Variants in PRKG1 observed in about 807,000 individuals in gnomAD.
The protein encoded by PRKG1 is cGMP-dependent protein kinase 1.
PRKG1 carries 35 observed loss-of-function variants against 88.1 expected under a neutral mutation model. That is an observed-to-expected ratio of 0.40 (90% CI 0.30 to 0.53). The LOEUF is 0.53. Ranked by LOEUF, PRKG1 falls within the 20% of genes least tolerant of loss-of-function variation. The pLI is 0.59. For missense variants in PRKG1, 540 were observed against 839.8 expected (o/e 0.64, Z 4.41); for synonymous variants, 303 against 292.5 (o/e 1.04, Z -0.37).
chr10:51,754,837 A>T (rs1002591639), intron 3 of PRKG1, among the ~76,000 whole-genome samples: 4 of 152,160 alleles, frequency 2.6e-5, no homozygotes, highest in African/African-American at 9.7e-5. Context: ...GGGCTAGTTT[A>T]GGTCATCTAC....
intron 2 of PRKG1, among the ~76,000 whole-genome samples, chr10:51,238,403 A>G (rs1839056822): frequency 6.6e-6 from 1 of 152,128 alleles, no homozygotes; most frequent in East Asian, 1.9e-4. Flanking sequence ...CAACATGGTA[A>G]AACTCCGCCT....
At chr10:51,404,220 G>C (rs1003523526) in intron 2 of PRKG1, among the ~76,000 whole-genome samples, 1 of 152,162 alleles carries the variant, frequency 6.6e-6, no homozygotes, top group African/African-American at 2.4e-5. Flanking sequence ...TCTAAAGAAA[G>C]TTATCACATG....
intron 4 of PRKG1, among the ~76,000 whole-genome samples, chr10:51,856,061 C>T (rs1222978094): frequency 1.3e-5 from 2 of 152,140 alleles, no homozygotes; most frequent in Non-Finnish European, 2.9e-5. Context: ...CTGGTCACAT[C>T]CCTTCAATCT....
At chr10:51,944,131 C>T (rs1353012649) in intron 5 of PRKG1, among the ~76,000 whole-genome samples, 1 of 151,948 alleles carries the variant, frequency 6.6e-6, no homozygotes, top group Non-Finnish European at 1.5e-5. Context: ...ACAATTTCAG[C>T]TCCTGTTATT....
chr10:51,374,746 T>G (rs1842784147), intron 2 of PRKG1, among the ~76,000 whole-genome samples: 1 of 152,154 alleles, frequency 6.6e-6, no homozygotes, highest in Non-Finnish European at 1.5e-5. Context: ...AAGAAATAAA[T>G]TTCTATTCTT....
rs760490288 is a variant in PRKG1 at position 51,317,317 on chromosome 10, T to C, written c.479-150406T>C. On this transcript the variant is annotated intron_variant, in intron 2 of 17. Coordinates refer to ENST00000373980, the MANE Select transcript of PRKG1 (RefSeq NM_006258.4). ...TTACAAGTCAATCAAGAGTCACATG[T>C]GGGCAAAACTAATTTAGTATTCAAG... Among the ~76,000 whole-genome samples the C allele has an allele frequency of 1.5e-3, 236 of 152,346 alleles. 4 individuals carry two copies. Among genetic ancestry groups the C allele is most frequent in the Non-Finnish European group, 2.8e-4 (19 of 68,024 alleles).
chr10:51,091,625 T>C (rs1405842079), intron 1 of PRKG1, among the ~76,000 whole-genome samples: 1 of 152,160 alleles, frequency 6.6e-6, no homozygotes. Context: ...TCAATTGGCC[T>C]GGTTTTTGTT....
chr10:51,334,029 A>G (rs572518804), intron 2 of PRKG1, among the ~76,000 whole-genome samples: 1 of 152,284 alleles, frequency 6.6e-6, no homozygotes, highest in South Asian at 2.1e-4. Flanking sequence ...AGCATTTATG[A>G]TAATGCCGAA....
At chr10:51,720,931 T>C in intron 3 of PRKG1, among the ~76,000 whole-genome samples, 1 of 151,904 alleles carries the variant, frequency 6.6e-6, no homozygotes, top group Non-Finnish European at 1.5e-5. Context: ...GCTGGGGGTG[T>C]TGGCTCACAC....
intron 2 of PRKG1, among the ~76,000 whole-genome samples, chr10:51,178,671 C>T (rs1053057144): frequency 1.1e-4 from 17 of 152,024 alleles, no homozygotes; most frequent in Non-Finnish European, 2.9e-5. Context: ...GTAAATATCC[C>T]AAATCCTTTC....
intron 2 of PRKG1, among the ~76,000 whole-genome samples, chr10:51,322,784 T>C (rs1841489287): frequency 6.6e-6 from 1 of 152,210 alleles, no homozygotes; most frequent in African/African-American, 2.4e-5. Flanking sequence ...GTCAACCACA[T>C]TAAATGTAAT....
At chr10:51,434,222 G>A (rs1357226355) in intron 2 of PRKG1, among the ~76,000 whole-genome samples, 3 of 152,150 alleles carry the variant, frequency 2.0e-5, no homozygotes, top group Middle Eastern at 3.4e-3. Context: ...CTTCAAATCC[G>A]TATCACAGGC....
chr10:51,083,747 C>G (rs1564593586), intron 1 of PRKG1, among the ~76,000 whole-genome samples: 1 of 152,220 alleles, frequency 6.6e-6, no homozygotes, highest in African/African-American at 2.4e-5. Flanking sequence ...ATGAAGACTT[C>G]CAGGGGAAAT....
At chr10:51,979,437 G>C (rs372770543) in intron 5 of PRKG1, among the ~76,000 whole-genome samples, 186 of 49,182 alleles carry the variant, frequency 3.8e-3, no homozygotes, top group African/African-American at 0.013. Flanking sequence ...TTTTTTTTCT[G>C]TTTTGTCTCT....
At chr10:51,050,946 T>C (rs1843553108) in intron 1 of PRKG1, among the ~76,000 whole-genome samples, 1 of 152,150 alleles carries the variant, frequency 6.6e-6, no homozygotes, top group African/African-American at 2.4e-5. Context: ...TTTGTGTGTC[T>C]TTTTTTGAAG....
At chr10:51,048,156 A>G (rs1843515037) in intron 1 of PRKG1, among the ~76,000 whole-genome samples, 1 of 151,934 alleles carries the variant, frequency 6.6e-6, no homozygotes, top group Non-Finnish European at 1.5e-5. Context: ...CATTATTTCT[A>G]TATTTTTGGA....
chr10:52,153,944 C>T (rs1838012690), intron 8 of PRKG1, among the ~76,000 whole-genome samples: 1 of 152,038 alleles, frequency 6.6e-6, no homozygotes, highest in Non-Finnish European at 1.5e-5. Context: ...GGGCTTTATC[C>T]ATGTTGGTCA....
chr10:52,273,995 A>G (rs1841800993), intron 12 of PRKG1, among the ~76,000 whole-genome samples: 1 of 152,098 alleles, frequency 6.6e-6, no homozygotes, highest in Non-Finnish European at 1.5e-5. Flanking sequence ...TGATATTTCA[A>G]TTCACTGATT....
At chr10:51,842,244 C>T (rs939679728) in intron 4 of PRKG1, among the ~76,000 whole-genome samples, 4 of 152,114 alleles carry the variant, frequency 2.6e-5, no homozygotes, top group African/African-American at 9.7e-5. Flanking sequence ...TCTGGGATCA[C>T]CAGTTACAAA....
Sources: gnomAD v4.1 joint callset for allele counts (sites outside exome capture counted in the v4.1 genomes callset) on GRCh38, gnomAD v4.1.1 for gene constraint, MANE v1.5 for transcripts, NCBI Gene and HGNC (gene_info 2026-07-23, HGNC 2026-07-21) for gene names.